PHF2: variants seen among roughly 807,000 people sequenced by gnomAD.
PHF2 encodes PHD finger protein 2, also known as lysine-specific demethylase PHF2.
A neutral mutation model predicts 120.5 loss-of-function variants in PHF2; 27 were observed. The observed-to-expected ratio is 0.22, with a 90% confidence interval of 0.17 to 0.31. PHF2 has a LOEUF of 0.31. Ranked by LOEUF, PHF2 falls within the 10% of genes least tolerant of loss-of-function variation. The pLI is 1.00. For missense variants in PHF2, 1,024 were observed against 1,434.8 expected (o/e 0.71, Z 4.63); for synonymous variants, 568 against 592.5 (o/e 0.96, Z 0.60).
chr9:93,594,437 A>G (rs184939082), intron 1 of PHF2, among the ~76,000 whole-genome samples: 5 of 152,212 alleles, frequency 3.3e-5, no homozygotes, highest in Admixed American at 6.5e-5. Context: ...TGGGTCAGGG[A>G]TGGGCCTCCC....
At chr9:93,626,896 T>C (rs1158165285) in intron 1 of PHF2, among the ~76,000 whole-genome samples, 2 of 152,244 alleles carry the variant, frequency 1.3e-5, no homozygotes, top group Non-Finnish European at 1.5e-5. Flanking sequence ...TGTTGATGTA[T>C]GGGTTTATTT....
In PHF2 at chr9:93,679,401, C is replaced by T. The variant is rs1444267058; in HGVS notation, c.*1725C>T. 5.8e-6 allele frequency: 2 copies of T among 341,914 alleles called. No individual in the cohort carries two copies. Among genetic ancestry groups the T allele is most frequent in the Non-Finnish European group, 1.1e-5 (2 of 175,240 alleles). 21.2% of individuals were successfully genotyped at this position (341,914 alleles called of 1,614,324 possible). ...TCTAACCTGGACATCAAGCTGTTCT[C>T]TCTCTCTCTTTTTTTTAATTTTATT... On this transcript the variant is annotated 3_prime_UTR_variant, in exon 22 of 22. Transcript: ENST00000359246.
chr9:93,634,729 C>T (rs1022754225), intron 2 of PHF2, among the ~76,000 whole-genome samples: 8 of 152,242 alleles, frequency 5.3e-5, no homozygotes, highest in African/African-American at 9.7e-5. Context: ...TTCATCTGCT[C>T]GCAGACACTC....
At chr9:93,663,459 G>T in intron 13 of PHF2, 58 bp from the exon 14 acceptor site, 3 of 1,038,018 alleles carry the variant, frequency 2.9e-6, no homozygotes, top group Non-Finnish European at 4.4e-6. Flanking sequence ...CACTAATTGG[G>T]GTCCTGACCC....
At chr9:93,628,688 G>T (rs1170757674) in intron 1 of PHF2, among the ~76,000 whole-genome samples, 1 of 152,112 alleles carries the variant, frequency 6.6e-6, no homozygotes, top group Non-Finnish European at 1.5e-5. Context: ...ACATTCTGGG[G>T]CTACCTGGGG....
intron 1 of PHF2, among the ~76,000 whole-genome samples, chr9:93,619,680 G>C (rs1197416746): frequency 6.6e-6 from 1 of 152,196 alleles, no homozygotes; most frequent in Non-Finnish European, 1.5e-5. Flanking sequence ...CCCGTGGCCC[G>C]TGCTCTATGC....
At chr9:93,663,773 A>ACACG (rs139255191) in intron 14 of PHF2, 138 bp downstream of exon 14, 1 of 600,396 alleles carries the variant, frequency 1.7e-6, no homozygotes, top group Non-Finnish European at 3.0e-6. Flanking sequence ...CATCTCACAC[A>ACACG]CACCACACAC....
At position 93,676,642 on chromosome 9, in the gene PHF2, C is replaced by T; in HGVS notation, c.2881C>T (p.Pro961Ser). 6.2e-7 allele frequency: 1 copy of T among 1,607,808 alleles called. No homozygotes were observed. Among genetic ancestry groups the T allele is most frequent in the Middle Eastern group, 1.7e-4 (1 of 6,034 alleles). ...KKKSAKRKLT[P>S]NTTSPSTSTS... Reference sequence around the variant, plus strand: ...AAAGAGTGCCAAGAGGAAGCTGACTCCTAACACCACCTCCCCTTCCACCTC... The same window carrying T: ...AAAGAGTGCCAAGAGGAAGCTGACTTCTAACACCACCTCCCCTTCCACCTC... Residue 961 changes from proline to serine, a missense_variant, in exon 21 of 22, where the codon CCT becomes TCT. Transcript: ENST00000359246.
At chr9:93,624,320 A>G (rs1414129170) in intron 1 of PHF2, among the ~76,000 whole-genome samples, 2 of 151,894 alleles carry the variant, frequency 1.3e-5, no homozygotes, top group Non-Finnish European at 2.9e-5. Flanking sequence ...GGTGAGGATG[A>G]TGATGGTGAT....
chr9:93,593,253 T>A (rs577065793), intron 1 of PHF2, among the ~76,000 whole-genome samples: 3 of 152,100 alleles, frequency 2.0e-5, no homozygotes, highest in Non-Finnish European at 4.4e-5. Flanking sequence ...CTGCACCCCC[T>A]GGACCCAAGG....
Position 93,656,898 on chromosome 9 carries a change from C to G in PHF2, c.1147+303C>G, listed in dbSNP as rs1278609387. Among the ~76,000 whole-genome samples the G allele has an allele frequency of 6.6e-6, 1 of 152,198 alleles. No homozygotes were observed. The highest frequency in any genetic ancestry group is 1.5e-5 in the Non-Finnish European group (1 of 68,032). On this transcript the variant is annotated intron_variant, in intron 9 of 21. Coordinates refer to ENST00000359246, the MANE Select transcript of PHF2 (RefSeq NM_005392.4). The surrounding 1 kb of genome is among the most constrained non-coding windows in gnomAD (Gnocchi z 4.1). ...AGGTATCAATCACACCTGCTCCACC[C>G]TCCACACTTGCCTCCATTGGGAGGG...
chr9:93,596,758 TTG>T (rs1554791336), intron 1 of PHF2, among the ~76,000 whole-genome samples: 1 of 151,234 alleles, frequency 6.6e-6, no homozygotes, highest in African/African-American at 2.4e-5. Context: ...TTTTTTTTTT[TTG>T]TTTTTTGTTT....
intron 18 of PHF2, among the ~76,000 whole-genome samples, chr9:93,674,667 C>A (rs1265952371): frequency 1.3e-5 from 2 of 152,142 alleles, no homozygotes; most frequent in Non-Finnish European, 2.9e-5. Context: ...ACAGATGAGG[C>A]TGGGCAGGTA....
In PHF2 at chr9:93,656,119, G is replaced by A; in HGVS notation, c.1040+98G>A. The A allele has an allele frequency of 1.1e-6, 1 of 949,858 alleles. No homozygotes were observed. Among genetic ancestry groups the A allele is most frequent in the Non-Finnish European group, 1.6e-6 (1 of 618,308 alleles). 58.8% of individuals were successfully genotyped at this position (949,858 alleles called of 1,614,324 possible). ...ATGCCTTGGGCTGAGTCCTGGCACA[G>A]CCCGCCTGTGGGTGGCCTGGACATG... is the stretch of plus-strand genomic sequence containing the variant. On this transcript the variant is annotated intron_variant, in intron 8 of 21. Transcript: ENST00000359246. The surrounding 1 kb of genome is among the most constrained non-coding windows in gnomAD (Gnocchi z 4.1).
chr9:93,637,639 G>T (rs1587698079), intron 3 of PHF2, among the ~76,000 whole-genome samples: 1 of 152,210 alleles, frequency 6.6e-6, no homozygotes, highest in East Asian at 1.9e-4. Context: ...TTTTGAGGCT[G>T]AATGATATTT....
chr9:93,660,124 G>T, intron 11 of PHF2, 68 bp from the exon 12 acceptor site: 1 of 1,456,318 alleles, frequency 6.9e-7, no homozygotes, highest in Non-Finnish European at 9.1e-7. Flanking sequence ...CAGCATCCTG[G>T]TGTGTGGACC....
chr9:93,627,492 A>ACTTTTTTTTTTTTTTTTTTT (rs1825931785), intron 1 of PHF2, among the ~76,000 whole-genome samples: 1 of 108,176 alleles, frequency 9.2e-6, no homozygotes, highest in African/African-American at 3.8e-5. Context: ...TTATTTCAGG[A>ACTTTTTTTTTTTTTTTTTTT]TTTTTTTTTT....
At position 93,678,803 on chromosome 9, in the gene PHF2, A is replaced by G. The variant is rs1440615542; in HGVS notation, c.*1127A>G. On this transcript the variant is annotated 3_prime_UTR_variant, in exon 22 of 22. Transcript: ENST00000359246. ...TCTATAGAGTTCTTCATTAACATTTATACGAGTTTTTTGCTGAGTCAGATG... is the reference window on the plus strand; with the variant it reads ...TCTATAGAGTTCTTCATTAACATTTGTACGAGTTTTTTGCTGAGTCAGATG... 1 of 153,822 alleles carries G rather than the reference A, an allele frequency of 6.5e-6. No individual in the cohort carries two copies. Among genetic ancestry groups the G allele is most frequent in the Non-Finnish European group, 1.4e-5 (1 of 69,026 alleles). 9.5% of individuals were successfully genotyped at this position (153,822 alleles called of 1,614,324 possible). A position where few individuals can be genotyped will look rare whatever the true frequency, so the allele number is the denominator to read the frequency against.
intron 1 of PHF2, among the ~76,000 whole-genome samples, chr9:93,583,414 T>C (rs1376925348): frequency 6.6e-6 from 1 of 152,376 alleles, no homozygotes; most frequent in East Asian, 1.9e-4. Flanking sequence ...TTCAGTTCTT[T>C]TGGATATATA....
Sources: gnomAD v4.1 joint callset for allele counts (sites outside exome capture counted in the v4.1 genomes callset) on GRCh38, gnomAD v4.1.1 for gene constraint, Gnocchi (gnomAD v3.1) non-coding constraint, MANE v1.5 for transcripts, NCBI Gene and HGNC (gene_info 2026-07-23, HGNC 2026-07-21) for gene names.